The following MDGA2 variants were observed in gnomAD, a reference collection of about 807,000 sequenced individuals.
MDGA2 encodes the protein MAM domain-containing glycosylphosphatidylinositol anchor protein 2.
Under a neutral mutation model 117.8 loss-of-function variants are expected in MDGA2, and 40 were observed. The observed-to-expected ratio is 0.34, with a 90% CI of 0.26 to 0.44. MDGA2 has a LOEUF of 0.44. Among genes scored for constraint, MDGA2 ranks in the 20% least tolerant of loss-of-function variants. The pLI is 1.00. For synonymous variants in MDGA2, 452 were observed against 439.0 expected (o/e 1.03, Z -0.37); for missense variants, 1,123 against 1,250.6 (o/e 0.90, Z 1.54).
chr14:47,609,428 CATATATATATATATATATATATATAT>C (rs3040345), intron 1 of MDGA2, among the ~76,000 whole-genome samples: 40 of 17,562 alleles, frequency 2.3e-3, no homozygotes, highest in African/African-American at 4.5e-3. Flanking sequence ...AGTATTCCAT[CATATATATATATATATATATATATAT>C]ATATATATAT....
chr14:47,331,101 T>G (rs1890280648), intron 1 of MDGA2, among the ~76,000 whole-genome samples: 2 of 151,872 alleles, frequency 1.3e-5, no homozygotes. Flanking sequence ...TGTAAATTGC[T>G]GTACCATTCC....
intron 3 of MDGA2, among the ~76,000 whole-genome samples, chr14:47,176,240 G>A (rs1459884123): frequency 2.6e-5 from 4 of 152,106 alleles, no homozygotes; most frequent in Non-Finnish European, 5.9e-5. Context: ...GTAATTTATA[G>A]ATTCAATGCC....
chr14:47,172,690 A>T (rs1030286528), intron 3 of MDGA2, among the ~76,000 whole-genome samples: 8 of 151,430 alleles, frequency 5.3e-5, no homozygotes, highest in African/African-American at 1.7e-4. Context: ...AAAACCACAA[A>T]GATGGGGAAA....
chr14:47,135,277 GA>G (rs1882397851), intron 4 of MDGA2, among the ~76,000 whole-genome samples: 2 of 151,946 alleles, frequency 1.3e-5, no homozygotes. Flanking sequence ...TCTAGTTACT[GA>G]AGTCTGCAAC....
intron 2 of MDGA2, among the ~76,000 whole-genome samples, chr14:47,235,260 A>T (rs1436313669): frequency 1.4e-4 from 21 of 152,198 alleles, no homozygotes; most frequent in Non-Finnish European, 1.5e-5. Context: ...CAATCATTCA[A>T]TTTATTAATT....
chr14:47,263,038 C>T (rs1034687668), intron 2 of MDGA2, among the ~76,000 whole-genome samples: 5 of 152,022 alleles, frequency 3.3e-5, no homozygotes, highest in African/African-American at 1.2e-4. Flanking sequence ...TAGGGCCTAT[C>T]GGGCTGTGGG....
chr14:46,928,031 G>A (rs577107839), intron 9 of MDGA2, among the ~76,000 whole-genome samples: 10 of 152,086 alleles, frequency 6.6e-5, no homozygotes, highest in African/African-American at 2.2e-4. Context: ...AAATCTGCTT[G>A]GGCATAAGGT....
At chr14:47,314,310 T>C (rs896990453) in intron 1 of MDGA2, among the ~76,000 whole-genome samples, 2 of 152,262 alleles carry the variant, frequency 1.3e-5, no homozygotes, top group Non-Finnish European at 2.9e-5. Flanking sequence ...CTAGTTTATG[T>C]GTAAACTTAG....
At chr14:47,575,951 GA>G (rs1896108630) in intron 1 of MDGA2, among the ~76,000 whole-genome samples, 1 of 152,152 alleles carries the variant, frequency 6.6e-6, no homozygotes, top group African/African-American at 2.4e-5. Context: ...CAGTGCTAAA[GA>G]AATCTGGGCT....
chr14:47,018,751 A>AAAAAAAAG (rs1888175631), intron 8 of MDGA2, among the ~76,000 whole-genome samples: 1 of 147,860 alleles, frequency 6.8e-6, no homozygotes, highest in Non-Finnish European at 1.5e-5. Flanking sequence ...AAAAAAAAAA[A>AAAAAAAAG]AAAAAAAAAA....
At chr14:47,603,326 A>T (rs1013336790) in intron 1 of MDGA2, among the ~76,000 whole-genome samples, 2 of 152,184 alleles carry the variant, frequency 1.3e-5, no homozygotes, top group African/African-American at 2.4e-5. Context: ...TTACACGAAT[A>T]GATCAGTCTG....
At chr14:46,858,420 CTTTTTTTCTTTTTTTTT>C (rs1881364439) in intron 14 of MDGA2, among the ~76,000 whole-genome samples, 1 of 109,808 alleles carries the variant, frequency 9.1e-6, no homozygotes, top group African/African-American at 3.4e-5. Context: ...TTTTCTTTTT[CTTTTTTTCTTTTTTTTT>C]TTTTTTTTGA....
At chr14:47,644,155 A>G (rs1897480666) in intron 1 of MDGA2, among the ~76,000 whole-genome samples, 1 of 152,176 alleles carries the variant, frequency 6.6e-6, no homozygotes, top group Non-Finnish European at 1.5e-5. Flanking sequence ...TGGCCCCCAA[A>G]GATTCCCACA....
intron 1 of MDGA2, among the ~76,000 whole-genome samples, chr14:47,560,886 G>A (rs1043194384): frequency 6.6e-6 from 1 of 152,066 alleles, no homozygotes; most frequent in African/African-American, 2.4e-5. Flanking sequence ...GGTAAGGAAG[G>A]GGTTCAGTTT....
At chr14:47,357,318 A>G (rs1456648660) in intron 1 of MDGA2, among the ~76,000 whole-genome samples, 1 of 152,224 alleles carries the variant, frequency 6.6e-6, no homozygotes, top group African/African-American at 2.4e-5. Context: ...TTTGCATGCC[A>G]TGAGATCACC....
At chr14:47,480,014 A>G (rs1893918987) in intron 1 of MDGA2, among the ~76,000 whole-genome samples, 1 of 152,066 alleles carries the variant, frequency 6.6e-6, no homozygotes, top group Non-Finnish European at 1.5e-5. Flanking sequence ...CTCCAGGTTC[A>G]TCCCTTTCAA....
chr14:47,612,343 T>C (rs1232296305), intron 1 of MDGA2, among the ~76,000 whole-genome samples: 1 of 152,148 alleles, frequency 6.6e-6, no homozygotes, highest in African/African-American at 2.4e-5. Context: ...ATAGAATTCA[T>C]GTAATTTAGG....
intron 1 of MDGA2, among the ~76,000 whole-genome samples, chr14:47,552,850 C>G (rs1222153001): frequency 2.6e-5 from 4 of 152,202 alleles, no homozygotes. Flanking sequence ...TTGTATACCT[C>G]AAACACACTA....
At chr14:47,660,216 T>G (rs1897819905) in intron 1 of MDGA2, among the ~76,000 whole-genome samples, 1 of 152,084 alleles carries the variant, frequency 6.6e-6, no homozygotes, top group Admixed American at 6.5e-5. Flanking sequence ...CCTCTGAAAA[T>G]TTGAGGGGGG....
Sources: gnomAD v4.1 joint callset for allele counts (sites outside exome capture counted in the v4.1 genomes callset) on GRCh38, gnomAD v4.1.1 for gene constraint, MANE v1.5 for transcripts, NCBI Gene and HGNC (gene_info 2026-07-23, HGNC 2026-07-21) for gene names.